The following RPS20 variants were observed in gnomAD, a reference collection of about 807,000 sequenced individuals.
RPS20 encodes the protein ribosomal protein S20.
In RPS20, 3 loss-of-function variants were observed where a neutral mutation model predicts 15.3. The ratio of observed to expected loss-of-function variants is 0.20; its 90% CI spans 0.09 to 0.51. The LOEUF is 0.51. RPS20 is among the 20% of genes least tolerant of loss of function. RPS20 has a pLI of 0.96. For synonymous variants in RPS20, 62 were observed against 47.8 expected, an observed-to-expected ratio of 1.30 and a Z score of -1.23; for missense variants, 67 against 145.9, an observed-to-expected ratio of 0.46 and a Z score of 2.79.
intron 3 of RPS20, 139 bp downstream of exon 3, chr8:56,073,556 G>A (rs1809831612): frequency 1.3e-6 from 1 of 744,198 alleles, no homozygotes; most frequent in East Asian, 2.5e-5. Flanking sequence ...ACTAGGAACC[G>A]CAATCTACCA....
chr8:56,074,297 C>T (rs1231376972), intron 1 of RPS20, 84 bp downstream of exon 1: 3 of 1,539,472 alleles, frequency 1.9e-6, no homozygotes, highest in Middle Eastern at 3.3e-4. Flanking sequence ...CCGGCATCTG[C>T]CCTCAGGAGC....
intron 1 of RPS20, 22 bp downstream of exon 1, chr8:56,074,359 C>G (rs1367399153): frequency 6.4e-7 from 1 of 1,553,370 alleles, no homozygotes; most frequent in Non-Finnish European, 8.7e-7. Flanking sequence ...GTTGCGCCGC[C>G]CGCCGCCGAC....
In RPS20 at chr8:56,074,445, C is replaced by A; in HGVS notation, c.-62G>T. On this transcript the variant is annotated 5_prime_UTR_variant, in exon 1 of 4. Transcript: ENST00000009589. ...TCGGCGAGAGCGAACAGCGGTGAGT[C>A]AGGAGCAGGAGCGTGCGGACCAAAA... 6.5e-7 allele frequency: 1 copy of A among 1,530,650 alleles called. No homozygotes were observed. The highest frequency in any genetic ancestry group is 1.2e-5 in the South Asian group (1 of 84,200). The allele number at this position is 1,530,650 out of a possible 1,614,324, so 94.8% of individuals were successfully genotyped here.
At chr8:56,071,774 C>T (rs1282176588), downstream of RPS20, among the ~76,000 whole-genome samples, 1 of 152,214 alleles carries the variant, frequency 6.6e-6, no homozygotes, top group Non-Finnish European at 1.5e-5. Context: ...GCGTGAAAGC[C>T]TAGGCCCAAA....
chr8:56,069,551 G>C (rs1011622799), downstream of RPS20, among the ~76,000 whole-genome samples: 4 of 152,112 alleles, frequency 2.6e-5, no homozygotes, highest in African/African-American at 9.7e-5. Flanking sequence ...CGCCCACCTT[G>C]GCCTCCCAAA....
At chr8:56,073,958 C>T in intron 2 of RPS20, 102 bp downstream of exon 2, 1 of 1,169,352 alleles carries the variant, frequency 8.6e-7, no homozygotes, top group East Asian at 2.3e-5. Context: ...AGTAACTTGT[C>T]ACTTTAGTTC....
chr8:56,072,097 G>A (rs1336307160), downstream of RPS20, among the ~76,000 whole-genome samples: 1 of 152,056 alleles, frequency 6.6e-6, no homozygotes, highest in Non-Finnish European at 1.5e-5. Context: ...AATTAGCTGG[G>A]CATGGTAGCC....
At chr8:56,071,146 T>C (rs1287727183), downstream of RPS20, among the ~76,000 whole-genome samples, 2 of 152,268 alleles carry the variant, frequency 1.3e-5, no homozygotes, top group Admixed American at 6.5e-5. Context: ...AAAACACAAC[T>C]GCTCATGTTC....
downstream of RPS20, among the ~76,000 whole-genome samples, chr8:56,070,125 C>T (rs748523993): frequency 1.3e-5 from 2 of 151,420 alleles, no homozygotes; most frequent in Non-Finnish European, 1.5e-5. Context: ...AATGCAGTAT[C>T]GTGGGCCAGC....
downstream of RPS20, chr8:56,072,976 A>C: frequency 6.8e-7 from 1 of 1,461,312 alleles, no homozygotes; most frequent in Admixed American, 2.6e-5. Context: ...CATATATTCC[A>C]CCTGAAAAGT....
At chr8:56,074,329 C>T in intron 1 of RPS20, 52 bp downstream of exon 1, 1 of 1,547,170 alleles carries the variant, frequency 6.5e-7, no homozygotes, top group Non-Finnish European at 8.7e-7. Flanking sequence ...ACCGGGGTCC[C>T]CCCGGCGCCC....
At chr8:56,069,265 C>A (rs2953901), downstream of RPS20, among the ~76,000 whole-genome samples, 23,613 of 151,584 alleles carry the variant, frequency 0.16, 2,444 homozygotes, top group Middle Eastern at 0.27. Flanking sequence ...TTTTTTGAGA[C>A]TGAGTTTAGC....
chr8:56,073,413 A>G (rs1563347733), intron 3 of RPS20, 141 bp from the exon 4 acceptor site: 2 of 687,328 alleles, frequency 2.9e-6, no homozygotes, highest in African/African-American at 3.6e-5. Context: ...TTCAGGTACC[A>G]TGGGTTGAAA....
At chr8:56,073,645 T>C (rs775211905) in intron 3 of RPS20, 50 bp downstream of exon 3, 1 of 1,484,098 alleles carries the variant, frequency 6.7e-7, no homozygotes, top group Non-Finnish European at 9.4e-7. Context: ...CCTGAATTTA[T>C]GCAACATCCG....
At chr8:56,072,755 G>C (rs534396261), downstream of RPS20, 1 of 411,678 alleles carries the variant, frequency 2.4e-6, no homozygotes, top group South Asian at 9.9e-5. Context: ...GCCTACTAGC[G>C]CACTAGGTTC....
downstream of RPS20, among the ~76,000 whole-genome samples, chr8:56,071,197 T>C (rs1466311513): frequency 6.6e-6 from 1 of 152,228 alleles, no homozygotes; most frequent in Non-Finnish European, 1.5e-5. Context: ...TCCACTATTT[T>C]CTGATTTACT....
chr8:56,070,595 A>G (rs1809724849), downstream of RPS20, among the ~76,000 whole-genome samples: 1 of 152,072 alleles, frequency 6.6e-6, no homozygotes, highest in South Asian at 2.1e-4. Flanking sequence ...GCCAAGCGTC[A>G]AGGTGTGAGC....
chr8:56,069,608 C>T (rs1809699157), downstream of RPS20: 1 of 912,102 alleles, frequency 1.1e-6, no homozygotes. Flanking sequence ...CATAGTTCCT[C>T]TTACTTTCAA....
chr8:56,068,886 C>T (rs1282684600), downstream of RPS20, among the ~76,000 whole-genome samples: 1 of 120,656 alleles, frequency 8.3e-6, no homozygotes, highest in Admixed American at 1.1e-4. Context: ...GAAACCCTTG[C>T]CTCCCGGGTT....
Sources: allele counts gnomAD v4.1 joint callset (sites outside exome capture counted in the v4.1 genomes callset), GRCh38; gene constraint gnomAD v4.1.1; transcripts MANE v1.5; gene names NCBI Gene and HGNC (gene_info 2026-07-23, HGNC 2026-07-21).